Variants in LIMCH1 observed in about 807,000 individuals in gnomAD.
The protein encoded by LIMCH1 is LIM and calponin homology domains-containing protein 1.
Under a neutral mutation model 176.5 loss-of-function variants are expected in LIMCH1, and 113 were observed. The ratio of observed to expected loss-of-function variants is 0.64; its 90% CI spans 0.55 to 0.75. LIMCH1 has a LOEUF of 0.75. Among genes scored for constraint, LIMCH1 ranks in the 30% least tolerant of loss-of-function variants. The pLI, the probability that LIMCH1 is intolerant of heterozygous loss-of-function variation, is 0.00. For missense variants in LIMCH1, 1,674 were observed against 1,814.9 expected (o/e 0.92, Z 1.41); for synonymous variants, 619 against 645.9 (o/e 0.96, Z 0.63).
intron 7 of LIMCH1, 43 bp downstream of exon 7, chr4:41,620,733 G>A: frequency 6.7e-7 from 1 of 1,495,224 alleles, no homozygotes; most frequent in Non-Finnish European, 8.9e-7. Flanking sequence ...CTTTCTGCAT[G>A]CCTGGGGATT....
At chr4:41,409,529 A>G (rs188012295) in intron 1 of LIMCH1, among the ~76,000 whole-genome samples, 3 of 152,348 alleles carry the variant, frequency 2.0e-5, no homozygotes, top group Admixed American at 6.5e-5. Context: ...TAATCTTTTA[A>G]GAAATATGGA....
At chr4:41,496,993 T>C (rs1195485030) in intron 2 of LIMCH1, among the ~76,000 whole-genome samples, 1 of 152,194 alleles carries the variant, frequency 6.6e-6, no homozygotes, top group Non-Finnish European at 1.5e-5. Flanking sequence ...TTAAGAAATA[T>C]GAGGACTCTC....
chr4:41,692,536 A>G, intron 31 of LIMCH1, 152 bp downstream of exon 31: 1 of 576,476 alleles, frequency 1.7e-6, no homozygotes, highest in South Asian at 2.1e-5. Context: ...AAGAAAAGAT[A>G]TTTACCACTC....
Position 41,538,334 on chromosome 4 carries a change from C to T in LIMCH1, c.-257C>T. ...GGGTTGGCTGGAGTTCATTGCGGAG[C>T]ATGAGGACGTGTGGGGGTAAGTAAA... On this transcript the variant is annotated 5_prime_UTR_variant, in exon 1 of 32. Transcript: ENST00000503057. 1 of 985,294 alleles carries T rather than the reference C, an allele frequency of 1.0e-6. No individual in the cohort carries two copies. Among genetic ancestry groups the T allele is most frequent in the Non-Finnish European group, 1.2e-6 (1 of 829,908 alleles). The allele number at this position is 985,294 out of a possible 1,614,324, so 61.0% of individuals were successfully genotyped here. A position where few individuals can be genotyped will look rare whatever the true frequency, so the allele number is the denominator to read the frequency against.
intron 1 of LIMCH1, among the ~76,000 whole-genome samples, chr4:41,578,901 C>G (rs1011492219): frequency 3.9e-5 from 6 of 152,080 alleles, no homozygotes; most frequent in African/African-American, 1.4e-4. Flanking sequence ...CAGGGTCTCA[C>G]TATGTTTTCC....
chr4:41,662,776 AT>A, intron 19 of LIMCH1, 44 bp from the exon 20 acceptor site: 2 of 1,605,332 alleles, frequency 1.2e-6, no homozygotes, highest in Non-Finnish European at 1.7e-6. Flanking sequence ...TAGATATTTG[AT>A]TTTCTTTTCC....
intron 1 of LIMCH1, among the ~76,000 whole-genome samples, chr4:41,554,549 T>C (rs2080981653): frequency 6.6e-6 from 1 of 152,176 alleles, no homozygotes; most frequent in Non-Finnish European, 1.5e-5. Flanking sequence ...CATTATTTCC[T>C]ATCCTCTGGA....
intron 25 of LIMCH1, 115 bp from the exon 26 acceptor site, chr4:41,682,218 C>A: frequency 4.3e-6 from 3 of 701,578 alleles, no homozygotes; most frequent in Non-Finnish European, 6.6e-6. Context: ...GACAACTGTT[C>A]TTTAAATTAT....
At chr4:41,532,486 T>C (rs2077434285) in intron 3 of LIMCH1, among the ~76,000 whole-genome samples, 1 of 152,218 alleles carries the variant, frequency 6.6e-6, no homozygotes, top group African/African-American at 2.4e-5. Flanking sequence ...TCTCTCACTT[T>C]GTACATCACA....
At position 41,441,999 on chromosome 4, in the gene LIMCH1, G is replaced by A. The variant is rs138018905; in HGVS notation, c.97-52537G>A. On this transcript the variant is annotated intron_variant, in intron 1 of 26. Transcript: ENST00000313860. ...TAGTGGGAACATGGAGACCACAAAA[G>A]CTGTGATTCTTTCTCTTAGACATTA... Among the ~76,000 whole-genome samples, 72 of 152,226 alleles carry A rather than the reference G, an allele frequency of 4.7e-4. 1 individual carries two copies. Among genetic ancestry groups the A allele is most frequent in the African/African-American group, 1.6e-3 (67 of 41,560 alleles).
intron 1 of LIMCH1, among the ~76,000 whole-genome samples, chr4:41,420,149 C>G (rs1344603886): frequency 6.6e-6 from 1 of 152,100 alleles, no homozygotes; most frequent in Non-Finnish European, 1.5e-5. Flanking sequence ...ATGGGAAATA[C>G]TGTCAGCCAG....
intron 17 of LIMCH1, among the ~76,000 whole-genome samples, chr4:41,650,121 A>G (rs1157464279): frequency 6.6e-6 from 1 of 152,210 alleles, no homozygotes; most frequent in Non-Finnish European, 1.5e-5. Context: ...GTACTTTAAA[A>G]TAAAAGCAGA....
At chr4:41,666,515 C>A in intron 20 of LIMCH1, 46 bp from the exon 21 acceptor site, 1 of 1,203,200 alleles carries the variant, frequency 8.3e-7, no homozygotes, top group South Asian at 1.2e-5. Flanking sequence ...GTGCATTTAT[C>A]AATGGACAGT....
At chr4:41,406,849 A>G (rs188929448) in intron 1 of LIMCH1, among the ~76,000 whole-genome samples, 3 of 152,298 alleles carry the variant, frequency 2.0e-5, no homozygotes, top group Admixed American at 2.0e-4. Flanking sequence ...CAGCGTGGAT[A>G]TGATTTTAGG....
At chr4:41,515,509 T>G (rs1028848074) in intron 2 of LIMCH1, among the ~76,000 whole-genome samples, 4 of 152,244 alleles carry the variant, frequency 2.6e-5, no homozygotes, top group Non-Finnish European at 5.9e-5. Flanking sequence ...TGAAATCTGC[T>G]TGGAGAAGAT....
chr4:41,574,298 C>T (rs1194876537), intron 1 of LIMCH1, among the ~76,000 whole-genome samples: 1 of 92,238 alleles, frequency 1.1e-5, no homozygotes, highest in East Asian at 4.0e-4. Flanking sequence ...CCCTCCCCTC[C>T]CCTCTCCTTT....
chr4:41,671,440 A>ACACACACACACAC (rs1388793096), intron 21 of LIMCH1, 114 bp from the exon 22 acceptor site: 14 of 703,244 alleles, frequency 2.0e-5, no homozygotes, highest in African/African-American at 3.7e-5. Context: ...ACACACACAC[A>ACACACACACACAC]AAATTGGTTT....
intron 1 of LIMCH1, among the ~76,000 whole-genome samples, chr4:41,479,532 G>A (rs1477767022): frequency 2.6e-5 from 4 of 152,188 alleles, no homozygotes; most frequent in Admixed American, 6.5e-5. Context: ...GATTACAGGC[G>A]TGAGCCACCG....
intron 1 of LIMCH1, among the ~76,000 whole-genome samples, chr4:41,409,226 C>T (rs2059258899): frequency 6.6e-6 from 1 of 152,100 alleles, no homozygotes; most frequent in African/African-American, 2.4e-5. Context: ...TATTTATAAG[C>T]AGTTACATTT....
Sources: allele counts gnomAD v4.1 joint callset (sites outside exome capture counted in the v4.1 genomes callset), GRCh38; gene constraint gnomAD v4.1.1; transcripts MANE v1.5; gene names NCBI Gene and HGNC (gene_info 2026-07-23, HGNC 2026-07-21).